Variants in ZNF420 observed in about 807,000 individuals in gnomAD.
ZNF420 encodes ATM and p53-associated KZNF protein.
A neutral mutation model predicts 44.7 loss-of-function variants in ZNF420; 31 were observed. The ratio of observed to expected loss-of-function variants is 0.69; its 90% CI spans 0.52 to 0.94. ZNF420 has a LOEUF of 0.94. Ranked by LOEUF, ZNF420 falls within the 40% of genes least tolerant of loss-of-function variation. ZNF420 has a pLI of 0.00. For synonymous variants in ZNF420, 245 were observed against 267.4 expected, an observed-to-expected ratio of 0.92 and a Z score of 0.82; for missense variants, 681 against 827.9, an observed-to-expected ratio of 0.82 and a Z score of 2.18.
intron 4 of ZNF420, among the ~76,000 whole-genome samples, chr19:37,102,853 G>C (rs1018617365): frequency 6.6e-6 from 1 of 152,058 alleles, no homozygotes; most frequent in Non-Finnish European, 1.5e-5. Flanking sequence ...TCTCTCCAGT[G>C]CTTTGGATTT....
intron 1 of ZNF420, among the ~76,000 whole-genome samples, chr19:37,039,118 C>G (rs1469423598): frequency 6.6e-6 from 1 of 152,168 alleles, no homozygotes; most frequent in Non-Finnish European, 1.5e-5. Context: ...GTCTTGAACC[C>G]CTCAAAGTCA....
chr19:37,026,650 T>C (rs1967165352), intron 1 of ZNF420, among the ~76,000 whole-genome samples: 1 of 151,944 alleles, frequency 6.6e-6, no homozygotes. Context: ...TTAGTAGGTA[T>C]GGGGTTTTGC....
At chr19:37,099,468 T>C (rs1195571675) in intron 4 of ZNF420, among the ~76,000 whole-genome samples, 3 of 152,242 alleles carry the variant, frequency 2.0e-5, no homozygotes, top group Non-Finnish European at 4.4e-5. Flanking sequence ...GTTTGCCATT[T>C]GTATGTCTTG....
chr19:37,116,031 G>T (rs559074694), intron 4 of ZNF420, among the ~76,000 whole-genome samples: 1 of 152,084 alleles, frequency 6.6e-6, no homozygotes, highest in African/African-American at 2.4e-5. Context: ...CACAAGGTTG[G>T]GGGTAGGGTT....
At chr19:37,021,966 AAAG>A (rs1390109517) in intron 1 of ZNF420, among the ~76,000 whole-genome samples, 11 of 149,772 alleles carry the variant, frequency 7.3e-5, no homozygotes, top group Admixed American at 2.0e-4. Context: ...AAAAAAAAGA[AAAG>A]AAAAAATGAA....
chr19:37,059,060 C>G (rs557822512), intron 1 of ZNF420, among the ~76,000 whole-genome samples: 1 of 152,212 alleles, frequency 6.6e-6, no homozygotes, highest in African/African-American at 2.4e-5. Context: ...CTGAGCCCAT[C>G]CCTGCTCACC....
At chr19:37,119,424 G>A (rs1233823766) in intron 4 of ZNF420, among the ~76,000 whole-genome samples, 1 of 152,124 alleles carries the variant, frequency 6.6e-6, no homozygotes, top group African/African-American at 2.4e-5. Flanking sequence ...TGAAACCAAT[G>A]AGAACAAAGA....
intron 1 of ZNF420, among the ~76,000 whole-genome samples, chr19:37,039,701 CTT>C (rs3051691): frequency 0.35 from 49,838 of 143,594 alleles, 8,431 homozygotes; most frequent in African/African-American, 0.39. Flanking sequence ...ATGTTTCTTT[CTT>C]TTTTTTTTTT....
At chr19:37,095,794 T>C (rs1008378783) in intron 4 of ZNF420, among the ~76,000 whole-genome samples, 1 of 152,130 alleles carries the variant, frequency 6.6e-6, no homozygotes, top group Non-Finnish European at 1.5e-5. Flanking sequence ...AGACGGGGTT[T>C]CGCCATGTTG....
intron 1 of ZNF420, among the ~76,000 whole-genome samples, chr19:37,055,959 T>TG (rs1967744363): frequency 6.6e-6 from 1 of 152,080 alleles, no homozygotes; most frequent in African/African-American, 2.4e-5. Flanking sequence ...TCTAAACCGA[T>TG]GGTTGTTCTT....
At chr19:37,103,630 A>G (rs1014695140) in intron 4 of ZNF420, among the ~76,000 whole-genome samples, 2 of 152,166 alleles carry the variant, frequency 1.3e-5, no homozygotes, top group African/African-American at 4.8e-5. Context: ...ATCTATACTA[A>G]TTCAACCTCT....
chr19:37,089,723 G>A (rs905637784), intron 3 of ZNF420, among the ~76,000 whole-genome samples: 4 of 152,044 alleles, frequency 2.6e-5, no homozygotes, highest in African/African-American at 7.2e-5. Context: ...TTACATTTAC[G>A]GATGAATGGT....
intron 1 of ZNF420, among the ~76,000 whole-genome samples, chr19:37,038,570 T>A (rs1417210391): frequency 3.9e-5 from 6 of 152,226 alleles, no homozygotes; most frequent in Non-Finnish European, 8.8e-5. Context: ...CTTTCAACAA[T>A]GTTGACAGCA....
intron 1 of ZNF420, among the ~76,000 whole-genome samples, chr19:37,014,047 G>C (rs1219432372): frequency 1.3e-5 from 2 of 152,208 alleles, no homozygotes; most frequent in Admixed American, 6.5e-5. Flanking sequence ...CCAGGAGAGG[G>C]CCTGTGCCGG....
intron 4 of ZNF420, among the ~76,000 whole-genome samples, chr19:37,106,470 C>T (rs1175220880): frequency 6.6e-6 from 1 of 152,142 alleles, no homozygotes; most frequent in Non-Finnish European, 1.5e-5. Flanking sequence ...AGAACTTGCT[C>T]CCATTATTCT....
intron 1 of ZNF420, among the ~76,000 whole-genome samples, chr19:37,056,958 G>A (rs767055192): frequency 6.6e-6 from 1 of 152,252 alleles, no homozygotes; most frequent in Non-Finnish European, 1.5e-5. Context: ...AGGGGCTTCA[G>A]CCTGACTTCC....
At chr19:37,088,942 A>T in intron 2 of ZNF420, 97 bp from the exon 3 acceptor site, 1 of 626,684 alleles carries the variant, frequency 1.6e-6, no homozygotes, top group East Asian at 2.8e-5. Flanking sequence ...TGGGGGTGGG[A>T]GAAACAGGAA....
intron 1 of ZNF420, among the ~76,000 whole-genome samples, chr19:37,065,650 A>G (rs1459067059): frequency 6.6e-6 from 1 of 152,256 alleles, no homozygotes; most frequent in Non-Finnish European, 1.5e-5. Context: ...TAGAGCCTCT[A>G]GAAAATAATG....
rs181105865 is a variant in ZNF420 at position 37,092,908 on chromosome 19, T to G, written c.136+1787T>G. 69 of 152,284 alleles carry G rather than the reference T, an allele frequency of 4.5e-4. 1 individual carries two copies. Among genetic ancestry groups the G allele is most frequent in the African/African-American group, 1.6e-3 (66 of 41,566 alleles). The allele number at this position is 152,284 out of a possible 1,614,324, so 9.4% of individuals were successfully genotyped here. A position where few individuals can be genotyped will look rare whatever the true frequency, so the allele number is the denominator to read the frequency against. On this transcript the variant is annotated intron_variant, in intron 4 of 4. Coordinates refer to ENST00000337995, the MANE Select transcript of ZNF420 (RefSeq NM_144689.5). ...TAATGAATGGATAAAATTTGGTATT[T>G]TCTTAAAACGAAATATTATTCAGCA...
Sources: gnomAD v4.1 joint callset for allele counts (sites outside exome capture counted in the v4.1 genomes callset) on GRCh38, gnomAD v4.1.1 for gene constraint, MANE v1.5 for transcripts, NCBI Gene and HGNC (gene_info 2026-07-23, HGNC 2026-07-21) for gene names.